SNAPC5: variants seen among roughly 807,000 people sequenced by gnomAD.
SNAPC5 encodes small nuclear RNA activating complex polypeptide 5, also known as snRNA-activating protein complex subunit 5.
Under a neutral mutation model 9.1 loss-of-function variants are expected in SNAPC5, and 12 were observed. That is an observed-to-expected ratio of 1.32 (90% confidence interval 0.85 to 2.15). SNAPC5 has a LOEUF of 2.15. SNAPC5 is among the 30% of genes most tolerant of loss of function. The probability of loss-of-function intolerance (pLI) is 0.00; values close to 1 mark genes in which losing one functional copy is unlikely to be tolerated. For missense variants in SNAPC5, 132 were observed against 114.4 expected (o/e 1.15, Z -0.70); for synonymous variants, 52 against 47.3 (o/e 1.10, Z -0.41).
rs549029337 is a variant in SNAPC5 at position 66,494,411 on chromosome 15, T to G, written c.*25A>C. 4.6e-5 allele frequency: 69 copies of G among 1,514,380 alleles called. No homozygotes were observed. In the African/African-American group the frequency reaches 8.3e-4, roughly 18 times the overall value. 93.8% of individuals were successfully genotyped at this position (1,514,380 alleles called of 1,614,324 possible). On this transcript the variant is annotated 3_prime_UTR_variant, in exon 3 of 3. Transcript: ENST00000316634. ...GCCTTAGAAATGCAATTTGTATAAC[T>G]GACCAGCCTGGCTTTCCCCCTCCTT...
downstream of SNAPC5, chr15:66,492,359 G>A (rs1202927615): frequency 9.2e-6 from 2 of 216,890 alleles, no homozygotes; most frequent in Non-Finnish European, 1.9e-5. Flanking sequence ...CCAATCTAGA[G>A]GTACCAGAGC....
intron 1 of SNAPC5, among the ~76,000 whole-genome samples, chr15:66,496,029 T>G (rs1595892508): frequency 2.0e-5 from 3 of 151,628 alleles, no homozygotes; most frequent in Non-Finnish European, 4.4e-5. Context: ...GAGAACATCC[T>G]GGCTAACACT....
chr15:66,495,289 A>C (rs754718530), intron 2 of SNAPC5, 41 bp downstream of exon 2: 15 of 1,139,422 alleles, frequency 1.3e-5, no homozygotes, highest in African/African-American at 3.0e-5. Flanking sequence ...AGCAGAGCAG[A>C]CTTTGCATTC....
chr15:66,492,989 C>T (rs937671764), downstream of SNAPC5, among the ~76,000 whole-genome samples: 4 of 152,134 alleles, frequency 2.6e-5, no homozygotes, highest in African/African-American at 9.7e-5. Flanking sequence ...AAATTAGACC[C>T]CCAAAATTTA....
chr15:66,497,407 C>A (rs1261746870), intron 1 of SNAPC5: 3 of 600,916 alleles, frequency 5.0e-6, no homozygotes, highest in Non-Finnish European at 9.0e-6. Flanking sequence ...GATCCCTGAG[C>A]CTCACCCTAG....
downstream of SNAPC5, chr15:66,491,583 C>T (rs184960534): frequency 8.9e-4 from 162 of 182,022 alleles, no homozygotes; most frequent in African/African-American, 3.4e-3. Flanking sequence ...TTCTTTAGTA[C>T]ACAAGAAATA....
chr15:66,495,683 C>A (rs895079478), intron 1 of SNAPC5, among the ~76,000 whole-genome samples: 11 of 152,198 alleles, frequency 7.2e-5, no homozygotes, highest in African/African-American at 2.4e-4. Flanking sequence ...ACAGACCTAG[C>A]AACTCAAAGT....
intron 1 of SNAPC5, among the ~76,000 whole-genome samples, 166 bp from the exon 2 acceptor site, chr15:66,495,585 CTCTTT>C (rs963190122): frequency 6.6e-6 from 1 of 152,188 alleles, no homozygotes; most frequent in East Asian, 1.9e-4. Context: ...TAGGTTTTCT[CTCTTT>C]TAAGGAGATG....
At chr15:66,495,248 C>T in intron 2 of SNAPC5, 82 bp downstream of exon 2, 1 of 877,224 alleles carries the variant, frequency 1.1e-6, no homozygotes, top group South Asian at 1.3e-5. Context: ...ATGTGATTTA[C>T]AACAGTTCTT....
At position 66,495,316 on chromosome 15, in the gene SNAPC5, T is replaced by G; in HGVS notation, c.180+14A>C. ...TTTGCATTCTCTCCTAGGCCTGCAC[T>G]TGATTAAGCTTACATCATGTGACTG... On this transcript the variant is annotated intron_variant, in intron 2 of 2. Transcript: ENST00000316634. 1 of 1,487,758 alleles carries G rather than the reference T, an allele frequency of 6.7e-7. No homozygotes were observed. Among genetic ancestry groups the G allele is most frequent in the Non-Finnish European group, 9.4e-7 (1 of 1,064,332 alleles). 92.2% of individuals were successfully genotyped at this position (1,487,758 alleles called of 1,614,324 possible).
chr15:66,494,354 C>A lies in SNAPC5; in HGVS notation c.*82G>T. ...TTCAAGCAGATCACAGGGCCCAGGGCAAGATGATTTCCTTGAGGAGAAGTA... is the reference window on the plus strand; with the variant it reads ...TTCAAGCAGATCACAGGGCCCAGGGAAAGATGATTTCCTTGAGGAGAAGTA... On this transcript the variant is annotated 3_prime_UTR_variant, in exon 3 of 3. Coordinates refer to ENST00000316634, the MANE Select transcript of SNAPC5 (RefSeq NM_001329615.2). 1 of 938,464 alleles carries A rather than the reference C, an allele frequency of 1.1e-6. No homozygotes were observed. Among genetic ancestry groups the A allele is most frequent in the Non-Finnish European group, 1.7e-6 (1 of 590,974 alleles). 58.1% of individuals were successfully genotyped at this position (938,464 alleles called of 1,614,324 possible).
In SNAPC5 at chr15:66,495,337, G is replaced by A. The variant is rs1893388812; in HGVS notation, c.173C>T (p.Ser58Leu). Residue 58 changes from serine (S) to leucine (L), a missense_variant, in exon 2 of 3, where the codon TCA (serine) becomes TTA (leucine). Physicochemically the swap from Ser to Leu is moderately radical, Grantham distance 145 (BLOSUM62 -2). Coordinates refer to ENST00000316634, the MANE Select transcript of SNAPC5 (RefSeq NM_001329615.2). ...MLSSHTVPEQ[S>L]HDMLVHVDNE... ...GCACTTGATTAAGCTTACATCATGT[G>A]ACTGTTCAGGTACAGTGTGAGAAGA... The A allele has an allele frequency of 6.4e-7, 1 of 1,566,770 alleles. No homozygotes were observed. Among genetic ancestry groups the A allele is most frequent in the South Asian group, 1.1e-5 (1 of 90,124 alleles).
intron 1 of SNAPC5, among the ~76,000 whole-genome samples, chr15:66,495,765 G>A (rs1273204273): frequency 1.3e-5 from 2 of 152,224 alleles, no homozygotes; most frequent in Non-Finnish European, 2.9e-5. Context: ...ACCTGAGGCT[G>A]TTACTCAGTA....
At position 66,497,712 on chromosome 15, in the gene SNAPC5, TC is replaced by T; in HGVS notation, c.19del (p.Glu7AsnfsTer12). On this transcript the variant is annotated frameshift_variant, in exon 1 of 3. Coordinates refer to ENST00000316634, the MANE Select transcript of SNAPC5 (RefSeq NM_001329615.2). LOFTEE classifies it high-confidence loss of function. ...CAGCGTCTCCTCCTCCTTGCGCAGT[TC>T]CTGAAGCCGGCTCAGCATGTTGCCT... is the stretch of plus-strand genomic sequence containing the variant. MLSRLQ[E>X]LRKEEETLLR... 1 of 1,613,278 alleles carries T rather than the reference TC, an allele frequency of 6.2e-7. No homozygotes were observed. Among genetic ancestry groups the T allele is most frequent in the South Asian group, 1.1e-5 (1 of 91,030 alleles).
At chr15:66,489,807 T>C (rs775605669), downstream of SNAPC5, 3 of 1,502,044 alleles carry the variant, frequency 2.0e-6, no homozygotes, top group Non-Finnish European at 2.8e-6. Context: ...TGTTTATTCA[T>C]TTGTTCTTCT....
Position 66,494,528 on chromosome 15 carries a change from C to A in SNAPC5, c.205G>T (p.Ala69Ser), listed in dbSNP as rs571352833. Residue 69 changes from alanine to serine, a missense_variant, in exon 3 of 3, where the codon GCA (alanine) becomes TCA (serine). Ala to Ser is a moderately conservative substitution (Grantham distance 99). Coordinates refer to ENST00000316634, the MANE Select transcript of SNAPC5 (RefSeq NM_001329615.2). ...TCCAGGGTTGTTTGGTTGATTGATG[C>A]TTCATTGTCTACATGCACCAACATC... is the stretch of plus-strand genomic sequence containing the variant. ...HDMLVHVDNE[A>S]SINQTTLELS... 6.2e-7 allele frequency: 1 copy of A among 1,613,840 alleles called. No homozygotes were observed. The highest frequency in any genetic ancestry group is 2.2e-5 in the East Asian group (1 of 44,882).
At chr15:66,492,758 A>G (rs1254566544), downstream of SNAPC5, among the ~76,000 whole-genome samples, 2 of 152,122 alleles carry the variant, frequency 1.3e-5, no homozygotes, top group East Asian at 3.8e-4. Context: ...TTGAGCTCCC[A>G]ATGCCAGATT....
In SNAPC5 at chr15:66,494,605, C is replaced by G. The variant is rs981281771; in HGVS notation, c.181-53G>C. 3.9e-6 allele frequency: 5 copies of G among 1,267,300 alleles called. No homozygotes were observed. In the African/African-American group the frequency reaches 5.9e-5, roughly 15 times the overall value. 78.5% of individuals were successfully genotyped at this position (1,267,300 alleles called of 1,614,324 possible). ...AGCAGGAAAGATGCTGGCCTCAAAA[C>G]AGCAAATTCTTAAAAATGACTTAAA... is the stretch of plus-strand genomic sequence containing the variant. On this transcript the variant is annotated intron_variant, in intron 2 of 2. Transcript: ENST00000316634.
At chr15:66,490,447 G>A (rs928035887), downstream of SNAPC5, 3 of 1,307,280 alleles carry the variant, frequency 2.3e-6, no homozygotes, top group Non-Finnish European at 3.3e-6. Context: ...TTCCTGGTGG[G>A]TTTTGTTTTT....
Sources: gnomAD v4.1 joint callset for allele counts (sites outside exome capture counted in the v4.1 genomes callset) on GRCh38, gnomAD v4.1.1 for gene constraint, MANE v1.5 for transcripts, NCBI Gene and HGNC (gene_info 2026-07-23, HGNC 2026-07-21) for gene names.